SLC25A21: variants seen among roughly 807,000 people sequenced by gnomAD.
SLC25A21 encodes mitochondrial 2-oxodicarboxylate carrier.
SLC25A21 carries 47 observed loss-of-function variants against 43.8 expected under a neutral mutation model. The ratio of observed to expected loss-of-function variants is 1.07; its 90% confidence interval spans 0.85 to 1.37. The LOEUF (loss-of-function observed/expected upper bound fraction) is 1.37. SLC25A21 is among the 40% of genes most tolerant of loss of function. The probability of loss-of-function intolerance (pLI) is 0.00; values close to 1 mark genes in which losing one functional copy is unlikely to be tolerated. For missense variants in SLC25A21, 352 were observed against 350.2 expected (o/e 1.00, Z -0.04); for synonymous variants, 131 against 121.3 (o/e 1.08, Z -0.52).
At chr14:37,106,519 G>A (rs1047929121) in intron 1 of SLC25A21, among the ~76,000 whole-genome samples, 17 of 152,054 alleles carry the variant, frequency 1.1e-4, no homozygotes, top group Non-Finnish European at 1.5e-5. Flanking sequence ...GGTCAGACCG[G>A]TTCTCTGACC....
At chr14:36,774,897 A>G (rs1886766649) in intron 3 of SLC25A21, among the ~76,000 whole-genome samples, 1 of 152,228 alleles carries the variant, frequency 6.6e-6, no homozygotes, top group Admixed American at 6.5e-5. Flanking sequence ...ACAAACTGAT[A>G]CAAATTAAAG....
chr14:36,955,087 C>G (rs1016222087), intron 1 of SLC25A21, among the ~76,000 whole-genome samples: 1 of 152,166 alleles, frequency 6.6e-6, no homozygotes, highest in Admixed American at 6.5e-5. Context: ...TCTGATGTGT[C>G]TTTGTACCTT....
chr14:37,056,820 C>T (rs1034557766), intron 1 of SLC25A21, among the ~76,000 whole-genome samples: 16 of 152,214 alleles, frequency 1.1e-4, no homozygotes, highest in African/African-American at 3.4e-4. Context: ...TCAGGCTTTT[C>T]TTTCTCCCAT....
intron 1 of SLC25A21, among the ~76,000 whole-genome samples, chr14:37,067,411 T>C (rs76446165): frequency 0.018 from 2,670 of 152,288 alleles, 26 homozygotes; most frequent in Non-Finnish European, 0.028. Flanking sequence ...AGGTATTAAA[T>C]GTACTGAGAG....
chr14:36,726,098 C>G (rs894931418), intron 5 of SLC25A21, among the ~76,000 whole-genome samples: 2 of 152,108 alleles, frequency 1.3e-5, no homozygotes, highest in Non-Finnish European at 2.9e-5. Context: ...GGAGCACAAC[C>G]ACAAATAAAA....
intron 1 of SLC25A21, among the ~76,000 whole-genome samples, chr14:36,954,101 C>G (rs1046598927): frequency 6.6e-6 from 1 of 152,190 alleles, no homozygotes; most frequent in Non-Finnish European, 1.5e-5. Context: ...CGTCCCATCT[C>G]TTCTAAACCT....
chr14:37,114,943 C>T (rs1310914229), intron 1 of SLC25A21, among the ~76,000 whole-genome samples: 1 of 152,112 alleles, frequency 6.6e-6, no homozygotes, highest in Non-Finnish European at 1.5e-5. Flanking sequence ...TATGTACATA[C>T]CTAGACACAG....
At chr14:36,927,863 A>C (rs781067274) in intron 1 of SLC25A21, among the ~76,000 whole-genome samples, 1 of 152,164 alleles carries the variant, frequency 6.6e-6, no homozygotes. Context: ...AACAACTCCA[A>C]CAGCTAATAG....
chr14:36,686,834 T>C (rs186253038), intron 7 of SLC25A21, among the ~76,000 whole-genome samples: 1 of 152,242 alleles, frequency 6.6e-6, no homozygotes, highest in Non-Finnish European at 1.5e-5. Flanking sequence ...GGATGGAAGG[T>C]GAACAAAGAG....
chr14:36,855,749 C>T (rs1214202871), intron 2 of SLC25A21, among the ~76,000 whole-genome samples: 3 of 152,182 alleles, frequency 2.0e-5, no homozygotes, highest in Non-Finnish European at 2.9e-5. Context: ...AGCACTATAT[C>T]CTCTGGGTTA....
intron 1 of SLC25A21, among the ~76,000 whole-genome samples, chr14:37,158,104 A>T (rs537096924): frequency 1.3e-5 from 2 of 152,274 alleles, no homozygotes; most frequent in South Asian, 4.1e-4. Flanking sequence ...TCTCCCAACA[A>T]CAACGACAAA....
intron 1 of SLC25A21, among the ~76,000 whole-genome samples, chr14:36,993,978 A>G (rs1960318888): frequency 6.6e-6 from 1 of 152,166 alleles, no homozygotes; most frequent in Non-Finnish European, 1.5e-5. Context: ...GTTGGTAAAG[A>G]GAGGAGCATT....
At chr14:36,681,611 A>G (rs1299569445) in intron 9 of SLC25A21, among the ~76,000 whole-genome samples, 1 of 152,168 alleles carries the variant, frequency 6.6e-6, no homozygotes, top group African/African-American at 2.4e-5. Flanking sequence ...CAAAATCAAA[A>G]TTTGGACAAA....
chr14:36,789,698 T>TATATTTTATATATTTATATATA (rs1566615278), intron 3 of SLC25A21, among the ~76,000 whole-genome samples: 1 of 117,884 alleles, frequency 8.5e-6, no homozygotes, highest in Non-Finnish European at 1.7e-5. Context: ...CACACACACA[T>TATATTTTATATATTTATATATA]ATATATTTTA....
chr14:36,805,275 C>T lies in SLC25A21; in HGVS notation c.203+8643G>A, dbSNP rs542960890. Among the ~76,000 whole-genome samples the T allele has an allele frequency of 5.8e-4, 88 of 152,260 alleles. 1 individual carries two copies. The highest frequency in any genetic ancestry group is 2.1e-3 in the African/African-American group (86 of 41,554). On this transcript the variant is annotated intron_variant, in intron 3 of 9. Coordinates refer to ENST00000331299, the MANE Select transcript of SLC25A21 (RefSeq NM_030631.4). ...CCTTGCCAAAGGCCAGTCAGTAAGT[C>T]GGAAAGTGTTGTGAGAGAGAGGCTG... is the stretch of plus-strand genomic sequence containing the variant.
intron 1 of SLC25A21, among the ~76,000 whole-genome samples, chr14:37,119,608 G>C (rs1397699368): frequency 1.3e-5 from 2 of 152,088 alleles, no homozygotes; most frequent in Non-Finnish European, 2.9e-5. Context: ...ATAATCAGTT[G>C]AGCAGCCCAC....
At chr14:37,020,446 C>CT (rs535616394) in intron 1 of SLC25A21, among the ~76,000 whole-genome samples, 8,229 of 145,752 alleles carry the variant, frequency 0.056, 676 homozygotes, top group African/African-American at 0.18. Context: ...GAAAAAGTCA[C>CT]TTTTTTTTTT....
chr14:36,683,130 T>G (rs1882361791), intron 9 of SLC25A21, among the ~76,000 whole-genome samples: 1 of 152,258 alleles, frequency 6.6e-6, no homozygotes, highest in Non-Finnish European at 1.5e-5. Context: ...TTGTACTTAT[T>G]CACAAGGTTG....
chr14:36,958,834 G>A (rs1276408440), intron 1 of SLC25A21, among the ~76,000 whole-genome samples: 1 of 152,214 alleles, frequency 6.6e-6, no homozygotes, highest in African/African-American at 2.4e-5. Context: ...AGGCCTGCCT[G>A]AAGAGAGCCT....
Sources: gnomAD v4.1 joint callset for allele counts (sites outside exome capture counted in the v4.1 genomes callset) on GRCh38, gnomAD v4.1.1 for gene constraint, MANE v1.5 for transcripts, NCBI Gene and HGNC (gene_info 2026-07-23, HGNC 2026-07-21) for gene names.